Variants in PRDM5 observed in about 807,000 individuals in gnomAD.
The protein encoded by PRDM5 is PR domain zinc finger protein 5.
Under a neutral mutation model 81.2 loss-of-function variants are expected in PRDM5, and 56 were observed. The observed-to-expected ratio is 0.69, with a 90% CI of 0.56 to 0.86. The LOEUF is 0.86. PRDM5 is among the 40% of genes least tolerant of loss of function. The probability of loss-of-function intolerance (pLI) is 0.00; values close to 1 mark genes in which losing one functional copy is unlikely to be tolerated. For synonymous variants in PRDM5, 267 were observed against 256.4 expected (o/e 1.04, Z -0.39); for missense variants, 697 against 770.1 (o/e 0.91, Z 1.12).
chr4:120,777,620 T>G (rs891232974), intron 12 of PRDM5, among the ~76,000 whole-genome samples: 3 of 152,150 alleles, frequency 2.0e-5, no homozygotes, highest in Non-Finnish European at 4.4e-5. Context: ...CCTTCCCAGC[T>G]GCCAAGAAAC....
At chr4:120,881,992 GAA>G (rs1188079342) in intron 2 of PRDM5, among the ~76,000 whole-genome samples, 1 of 152,202 alleles carries the variant, frequency 6.6e-6, no homozygotes, top group East Asian at 1.9e-4. Flanking sequence ...GAAATCATAT[GAA>G]AAATATTTAT....
At chr4:120,910,372 T>C (rs1405485240) in intron 1 of PRDM5, among the ~76,000 whole-genome samples, 1 of 152,218 alleles carries the variant, frequency 6.6e-6, no homozygotes, top group Non-Finnish European at 1.5e-5. Context: ...TGGCTTTAGA[T>C]GAAGATTTTA....
rs115667801 is a variant in PRDM5 at position 120,752,432 on chromosome 4, G to A, written c.1623+2121C>T. 2.8e-3 allele frequency among the ~76,000 whole-genome samples: 426 copies of A among 152,194 alleles called. 1 individual carries two copies. The highest frequency in any genetic ancestry group is 8.1e-3 in the African/African-American group (338 of 41,528). ...CTGCCTAAAATCCTGGGTGCTTCTG[G>A]TCTATAAACTCTCTTGAGTTCCCTT... On this transcript the variant is annotated intron_variant, in intron 14 of 15. Transcript: ENST00000264808.
intron 14 of PRDM5, among the ~76,000 whole-genome samples, chr4:120,735,854 T>C (rs1338751632): frequency 6.6e-6 from 1 of 152,148 alleles, no homozygotes. Flanking sequence ...CTAATACTTT[T>C]TAAATATATA....
rs761511412 is a variant in PRDM5, at chr4:120,777,210, T to A, written c.1515A>T (p.Arg505Ser). Residue 505 changes from arginine (R) to serine (S), a missense_variant, in exon 13 of 16, where the codon AGA (arginine) becomes AGT (serine). This residue lies in a region of PRDM5 where 86 missense variants were observed against 135.2 expected (regional missense o/e 0.64). Coordinates refer to ENST00000264808, the MANE Select transcript of PRDM5 (RefSeq NM_018699.4). ...TACCTGTGTGGCTCCGGATATGAAC[T>A]CTGAGTGTACCACTGCTGGCAAATT... ...GQKFASSGTLRVHIRSHTGER... is the reference protein window; with the variant it reads ...GQKFASSGTLSVHIRSHTGER... 6.2e-7 allele frequency: 1 copy of A among 1,613,472 alleles called. No individual in the cohort carries two copies. Among genetic ancestry groups the A allele is most frequent in the Non-Finnish European group, 8.5e-7 (1 of 1,179,550 alleles).
chr4:120,831,219 T>C (rs1756673724), intron 3 of PRDM5, among the ~76,000 whole-genome samples: 1 of 152,082 alleles, frequency 6.6e-6, no homozygotes, highest in Non-Finnish European at 1.5e-5. Context: ...TATTGCAAAT[T>C]TGCTTTATTT....
intron 2 of PRDM5, among the ~76,000 whole-genome samples, chr4:120,897,567 A>C (rs343166): frequency 0.25 from 38,708 of 152,000 alleles, 5,682 homozygotes; most frequent in African/African-American, 0.39. Flanking sequence ...CATTTTCTAC[A>C]TCCTCTCCTG....
intron 2 of PRDM5, among the ~76,000 whole-genome samples, chr4:120,903,606 G>T (rs1036817582): frequency 5.3e-5 from 8 of 152,204 alleles, no homozygotes; most frequent in Admixed American, 5.2e-4. Context: ...AGCAGGGAAT[G>T]GCTGATATGG....
chr4:120,838,063 C>T (rs1323032908), intron 3 of PRDM5: 2 of 152,160 alleles, frequency 1.3e-5, no homozygotes, highest in Non-Finnish European at 2.9e-5. Flanking sequence ...TTGACATAAA[C>T]TAACCATGAT....
chr4:120,789,349 A>C (rs1750239892), intron 10 of PRDM5, among the ~76,000 whole-genome samples: 1 of 152,190 alleles, frequency 6.6e-6, no homozygotes, highest in Admixed American at 6.5e-5. Flanking sequence ...TCAAATATTA[A>C]TTCCATGAGA....
chr4:120,807,150 A>C (rs1753100221), intron 8 of PRDM5, among the ~76,000 whole-genome samples: 2 of 152,222 alleles, frequency 1.3e-5, no homozygotes, highest in African/African-American at 2.4e-5. Context: ...CCACAATGAG[A>C]TACCATCTCA....
chr4:120,714,711 G>A (rs116384354), intron 14 of PRDM5, among the ~76,000 whole-genome samples: 1 of 152,264 alleles, frequency 6.6e-6, no homozygotes, highest in Non-Finnish European at 1.5e-5. Context: ...TTGAAATAGT[G>A]AGGACACGTT....
intron 13 of PRDM5, among the ~76,000 whole-genome samples, chr4:120,762,974 G>A (rs1233294678): frequency 1.3e-5 from 2 of 152,210 alleles, no homozygotes; most frequent in East Asian, 3.9e-4. Flanking sequence ...AAGAAAGTGG[G>A]CAATAAAATG....
At chr4:120,786,907 T>C (rs1749835450) in intron 10 of PRDM5, among the ~76,000 whole-genome samples, 1 of 152,204 alleles carries the variant, frequency 6.6e-6, no homozygotes, top group South Asian at 2.1e-4. Context: ...TTTTATTTTA[T>C]GCCAGGTCTA....
In PRDM5 at chr4:120,781,212, G is replaced by A; in HGVS notation, c.1374C>T (p.His458=). 1.9e-6 allele frequency: 3 copies of A among 1,613,136 alleles called. No individual in the cohort carries two copies. Among genetic ancestry groups the A allele is most frequent in the East Asian group, 4.5e-5 (2 of 44,834 alleles). The change falls in exon 12 of 16, where the codon CAC becomes CAT. Residue 458 remains histidine (H), a synonymous_variant. Transcript: ENST00000264808. ...TACATAGCTCACACCTATACTTCTT[G>A]TGTCTTTCATGAACCACCTGGACAT... is the stretch of plus-strand genomic sequence containing the variant. The part of the protein sequence containing the change: ...NVHVQVVHER[H]KKYRCELCNK...
At chr4:120,807,667 A>G (rs1187279601) in intron 8 of PRDM5, among the ~76,000 whole-genome samples, 2 of 152,138 alleles carry the variant, frequency 1.3e-5, no homozygotes, top group East Asian at 1.9e-4. Context: ...AGACCCTCAC[A>G]GTGAGTGTTA....
At chr4:120,920,819 G>C (rs1255555142) in intron 1 of PRDM5, among the ~76,000 whole-genome samples, 3 of 152,084 alleles carry the variant, frequency 2.0e-5, no homozygotes, top group African/African-American at 7.2e-5. Context: ...AGTTAAACTG[G>C]CCAGGAAAAG....
chr4:120,875,757 C>T lies in PRDM5; in HGVS notation c.178-22217G>A, dbSNP rs1169653503. 3.3e-5 allele frequency among the ~76,000 whole-genome samples: 5 copies of T among 152,142 alleles called. No homozygotes were observed. The East Asian group carries it at 5.8e-4, about 18-fold the overall frequency. The stretch of plus-strand genomic sequence containing the variant: ...TAGACAGGGGGCAAAATACAAATGA[C>T]TAGGCATTTTGGTAGCTATTCCTTA... On this transcript the variant is annotated intron_variant, in intron 2 of 15. Coordinates refer to ENST00000264808, the MANE Select transcript of PRDM5 (RefSeq NM_018699.4).
At chr4:120,734,148 G>A (rs1253479613) in intron 14 of PRDM5, among the ~76,000 whole-genome samples, 1 of 152,128 alleles carries the variant, frequency 6.6e-6, no homozygotes, top group East Asian at 1.9e-4. Flanking sequence ...GCAGACGGCA[G>A]GCAGCACAGC....
Sources: gnomAD v4.1 joint callset for allele counts (sites outside exome capture counted in the v4.1 genomes callset) on GRCh38, gnomAD v4.1.1 for gene constraint, gnomAD v4.1.1 regional missense constraint, MANE v1.5 for transcripts, NCBI Gene and HGNC (gene_info 2026-07-23, HGNC 2026-07-21) for gene names.